Variants in DOCK2 observed in about 807,000 individuals in gnomAD.
DOCK2 encodes dedicator of cytokinesis 2, also known as dedicator of cytokinesis protein 2.
In DOCK2, 87 loss-of-function variants were observed where a neutral mutation model predicts 248.9. The ratio of observed to expected loss-of-function variants is 0.35; its 90% CI spans 0.29 to 0.42. The LOEUF (loss-of-function observed/expected upper bound fraction) is 0.42, where lower values mean the gene tolerates loss of function less well. Ranked by LOEUF, DOCK2 falls within the 10% of genes least tolerant of loss-of-function variation. DOCK2 has a pLI of 1.00. For missense variants in DOCK2, 1,747 were observed against 2,300.2 expected (o/e 0.76, Z 4.92); for synonymous variants, 805 against 821.6 (o/e 0.98, Z 0.35).
At chr5:169,698,136 G>A (rs1376603277) in intron 10 of DOCK2, among the ~76,000 whole-genome samples, 1 of 152,172 alleles carries the variant, frequency 6.6e-6, no homozygotes, top group African/African-American at 2.4e-5. Context: ...GCTCTTGGAT[G>A]CCTCCCTGGC....
intron 22 of DOCK2, among the ~76,000 whole-genome samples, chr5:169,745,806 C>G (rs1299133414): frequency 6.6e-6 from 1 of 152,102 alleles, no homozygotes; most frequent in African/African-American, 2.4e-5. Context: ...GGGATTTGAA[C>G]CCAAAGCAGA....
chr5:169,753,013 C>G (rs933768142), intron 23 of DOCK2, among the ~76,000 whole-genome samples: 2 of 151,922 alleles, frequency 1.3e-5, no homozygotes, highest in Non-Finnish European at 2.9e-5. Flanking sequence ...TGCAGTGAGC[C>G]GAGATTGCGC....
intron 27 of DOCK2, among the ~76,000 whole-genome samples, chr5:169,847,269 A>T (rs1418229273): frequency 6.6e-6 from 1 of 152,238 alleles, no homozygotes. Flanking sequence ...AGGAATTCCT[A>T]TACTGTTTGC....
At chr5:169,977,831 A>G (rs976622484) in intron 27 of DOCK2, among the ~76,000 whole-genome samples, 1 of 152,218 alleles carries the variant, frequency 6.6e-6, no homozygotes, top group Non-Finnish European at 1.5e-5. Flanking sequence ...AATAGGTTTT[A>G]GAGTCCCTGT....
intron 27 of DOCK2, among the ~76,000 whole-genome samples, chr5:169,924,521 G>C (rs564884728): frequency 6.6e-6 from 1 of 152,140 alleles, no homozygotes; most frequent in Admixed American, 6.5e-5. Flanking sequence ...TGAGAATCTT[G>C]ATGATCTTTT....
chr5:169,934,418 C>G (rs1476790708), intron 27 of DOCK2, among the ~76,000 whole-genome samples: 1 of 152,212 alleles, frequency 6.6e-6, no homozygotes, highest in African/African-American at 2.4e-5. Context: ...CCGTGAATCA[C>G]AAACCCTCAA....
At chr5:169,653,325 C>T (rs887497580) in intron 1 of DOCK2, among the ~76,000 whole-genome samples, 9 of 152,180 alleles carry the variant, frequency 5.9e-5, no homozygotes, top group Non-Finnish European at 8.8e-5. Context: ...TAGCTCCCCA[C>T]CCAACATTGT....
intron 25 of DOCK2, among the ~76,000 whole-genome samples, chr5:169,789,832 G>A (rs996970410): frequency 1.3e-5 from 2 of 152,290 alleles, no homozygotes; most frequent in African/African-American, 4.8e-5. Context: ...AGAAAACCAG[G>A]CCAGCGGATA....
intron 13 of DOCK2, 180 bp from the exon 14 acceptor site, chr5:169,702,123 T>C: frequency 1.8e-6 from 1 of 556,472 alleles, no homozygotes; most frequent in African/African-American, 1.9e-5. Flanking sequence ...TTCATCCCCG[T>C]GTTACCTACT....
intron 12 of DOCK2, among the ~76,000 whole-genome samples, chr5:169,699,724 G>A (rs533125708): frequency 6.6e-6 from 1 of 152,342 alleles, no homozygotes; most frequent in Non-Finnish European, 1.5e-5. Context: ...AAGTTACCTT[G>A]TTTGATTTCT....
At position 170,035,553 on chromosome 5, in the gene DOCK2, A is replaced by G. The variant is rs139325125; in HGVS notation, c.3625-962A>G. ...AAGAGGTGTTTTCCACGAGCTGAGC[A>G]GCTTCTCTCTAAGGAGAGACAGAGT... On this transcript the variant is annotated intron_variant, in intron 35 of 51. Transcript: ENST00000520908. Among the ~76,000 whole-genome samples the G allele has an allele frequency of 8.5e-5, 13 of 152,350 alleles. No homozygotes were observed. In the East Asian group the frequency reaches 2.5e-3, roughly 29 times the overall value.
At chr5:169,734,951 G>A (rs1238689146) in intron 22 of DOCK2, among the ~76,000 whole-genome samples, 1 of 152,172 alleles carries the variant, frequency 6.6e-6, no homozygotes, top group Admixed American at 6.5e-5. Flanking sequence ...CCAGAGACCT[G>A]CTTTGCTTTG....
intron 15 of DOCK2, among the ~76,000 whole-genome samples, chr5:169,708,590 A>G (rs1370775041): frequency 6.7e-6 from 1 of 148,690 alleles, no homozygotes; most frequent in Non-Finnish European, 1.5e-5. Flanking sequence ...TTTGAGACAG[A>G]GTCTCACTCT....
chr5:170,079,031 T>C lies in DOCK2; in HGVS notation c.5051T>C (p.Ile1684Thr). The C allele has an allele frequency of 6.2e-7, 1 of 1,613,924 alleles. No individual in the cohort carries two copies. The highest frequency in any genetic ancestry group is 8.5e-7 in the Non-Finnish European group (1 of 1,179,980). The change falls in exon 49 of 52, where the codon ATC becomes ACC. Residue 1684 changes from isoleucine to threonine, a missense_variant. Ile to Thr is a moderately conservative substitution (Grantham distance 89). Transcript: ENST00000520908. ...KTPRVEQEEP[I>T]SPGSTLPEVK... is the part of the protein sequence containing the mutation. ...CCGAGAGTGGAGCAGGAGGAACCGA[T>C]CTCCCCGGGGAGCACCCTGCCTGAG... is the stretch of plus-strand genomic sequence containing the variant.
intron 27 of DOCK2, among the ~76,000 whole-genome samples, chr5:169,874,578 T>G (rs960725924): frequency 9.9e-5 from 15 of 152,152 alleles, no homozygotes; most frequent in African/African-American, 3.6e-4. Flanking sequence ...AATGTAGTGG[T>G]AATGGTCAGC....
At chr5:169,688,612 A>G (rs778444283) in intron 8 of DOCK2, among the ~76,000 whole-genome samples, 3 of 152,204 alleles carry the variant, frequency 2.0e-5, no homozygotes, top group Non-Finnish European at 4.4e-5. Flanking sequence ...TCATGTTGAC[A>G]CTTAAAAATT....
intron 27 of DOCK2, among the ~76,000 whole-genome samples, chr5:169,938,823 A>C (rs1157729062): frequency 6.6e-6 from 1 of 152,212 alleles, no homozygotes; most frequent in African/African-American, 2.4e-5. Context: ...GCTTAGCTTA[A>C]AACACAAATA....
chr5:169,996,299 T>C, intron 30 of DOCK2, 135 bp downstream of exon 30: 1 of 851,526 alleles, frequency 1.2e-6, no homozygotes, highest in Non-Finnish European at 1.7e-6. Flanking sequence ...CACGGGGGGT[T>C]ATGGCTGGGG....
chr5:170,042,270 C>G (rs1248584902), intron 38 of DOCK2, 138 bp downstream of exon 38: 1 of 1,112,064 alleles, frequency 9.0e-7, no homozygotes, highest in African/African-American at 1.6e-5. Flanking sequence ...CTCTCCACTT[C>G]CTCTCCATCT....
Sources: gnomAD v4.1 joint callset for allele counts (sites outside exome capture counted in the v4.1 genomes callset) on GRCh38, gnomAD v4.1.1 for gene constraint, MANE v1.5 for transcripts, NCBI Gene and HGNC (gene_info 2026-07-23, HGNC 2026-07-21) for gene names.